Variants in GIT2 observed in about 807,000 individuals in gnomAD.
GIT2 encodes ARF GTPase-activating protein GIT2.
A neutral mutation model predicts 100.3 loss-of-function variants in GIT2; 32 were observed. The ratio of observed to expected loss-of-function variants is 0.32; its 90% CI spans 0.24 to 0.43. The LOEUF (loss-of-function observed/expected upper bound fraction) is 0.43, where lower values mean the gene tolerates loss of function less well. GIT2 is among the 20% of genes least tolerant of loss of function. The pLI, the probability that GIT2 is intolerant of heterozygous loss-of-function variation, is 1.00. For synonymous variants in GIT2, 353 were observed against 364.1 expected (o/e 0.97, Z 0.35); for missense variants, 737 against 975.1 (o/e 0.76, Z 3.25).
chr12:109,978,197 C>A (rs1425641385), intron 7 of GIT2, among the ~76,000 whole-genome samples: 1 of 151,048 alleles, frequency 6.6e-6, no homozygotes, highest in Non-Finnish European at 1.5e-5. Context: ...ATTCTTGTGC[C>A]TCAGCTACCT....
Position 109,986,382 on chromosome 12 carries a change from G to A in GIT2, c.405+2581C>T, listed in dbSNP as rs1247297361. Among the ~76,000 whole-genome samples, 5 of 152,130 alleles carry A rather than the reference G, an allele frequency of 3.3e-5. 1 individual carries two copies. In the Middle Eastern group the frequency reaches 0.014, roughly 414 times the overall value. On this transcript the variant is annotated intron_variant, in intron 4 of 19. Transcript: ENST00000355312. ...CGCAGTGGCTCAGGCCTGTAGTCCCGGCACTTTGGGAAGCTGAAACAGGCG... is the reference window on the plus strand; with the variant it reads ...CGCAGTGGCTCAGGCCTGTAGTCCCAGCACTTTGGGAAGCTGAAACAGGCG...
chr12:109,948,823 T>A lies in GIT2; in HGVS notation c.1393-1319A>T. 1 of 1,603,634 alleles carries A rather than the reference T, an allele frequency of 6.2e-7. No homozygotes were observed. Among genetic ancestry groups the A allele is most frequent in the Non-Finnish European group, 8.5e-7 (1 of 1,174,070 alleles). On this transcript the variant is annotated intron_variant, in intron 14 of 19. Transcript: ENST00000355312. This position sits in a 1 kb window ranked among gnomAD's most constrained non-coding sequence, Gnocchi z 4.3. ...CACCAATAGTAGTTGCTCCTCTTCA[T>A]TAATTAGCATCTTTTCCAAGCAACT...
At chr12:109,985,727 C>T (rs903375695) in intron 4 of GIT2, among the ~76,000 whole-genome samples, 1 of 152,030 alleles carries the variant, frequency 6.6e-6, no homozygotes, top group African/African-American at 2.4e-5. Flanking sequence ...GTGGTGGGCA[C>T]CTGTAATCCA....
At chr12:109,997,667 G>C (rs1347142050), upstream of GIT2, 1 of 152,222 alleles carries the variant, frequency 6.6e-6, no homozygotes, top group Non-Finnish European at 1.5e-5. Flanking sequence ...GCTAAGGACA[G>C]ATGGAATAAA....
intron 13 of GIT2, chr12:109,952,798 C>T: frequency 2.1e-6 from 1 of 484,398 alleles, no homozygotes; most frequent in South Asian, 2.0e-5. Flanking sequence ...ATGAGAGCCT[C>T]ACAGGAAAGG....
chr12:109,945,444 C>T (rs543014842), intron 15 of GIT2, 95 bp from the exon 16 acceptor site: 4 of 712,706 alleles, frequency 5.6e-6, no homozygotes, highest in Middle Eastern at 2.3e-4. Flanking sequence ...TGGAACACCA[C>T]ACATTATGTG....
At chr12:109,958,194 T>C (rs546058655) in intron 12 of GIT2, among the ~76,000 whole-genome samples, 21 of 152,130 alleles carry the variant, frequency 1.4e-4, no homozygotes, top group African/African-American at 5.1e-4. Context: ...TCTGCCCACC[T>C]CAGCCTCCCA....
Position 109,945,308 on chromosome 12 carries a change from A to G in GIT2, c.1683T>C (p.Pro561=), listed in dbSNP as rs760421040. 6.3e-7 allele frequency: 1 copy of G among 1,588,920 alleles called. No homozygotes were observed. The highest frequency in any genetic ancestry group is 8.6e-7 in the Non-Finnish European group (1 of 1,157,248). The part of the protein sequence containing the change: ...SALVTSSSSL[P]SFPSTLSWSR... ...ACCAGGAAAGTGTGGAGGGGAAGGA[A>G]GGCAGAGATGAAGAGGAGGTCACAA... Residue 561 remains proline, a synonymous_variant, in exon 16 of 20, where the codon CCT becomes CCC. Transcript: ENST00000355312.
chr12:109,965,639 G>A lies in GIT2; in HGVS notation c.765-62C>T. The A allele has an allele frequency of 7.9e-6, 8 of 1,018,826 alleles. 1 individual carries two copies. The South Asian group carries it at 1.1e-4, about 13-fold the overall frequency. 63.1% of individuals were successfully genotyped at this position (1,018,826 alleles called of 1,614,324 possible). A position where few individuals can be genotyped will look rare whatever the true frequency, so the allele number is the denominator to read the frequency against. On this transcript the variant is annotated intron_variant, in intron 8 of 19. Coordinates refer to ENST00000355312, the MANE Select transcript of GIT2 (RefSeq NM_057169.5). ...AAGCCAGACTTGTGAACTCTGTAAA[G>A]TTTAAGACACCCAAGAGATAAAAAT...
chr12:109,977,257 A>G (rs1565998119), intron 7 of GIT2, among the ~76,000 whole-genome samples: 1 of 152,200 alleles, frequency 6.6e-6, no homozygotes, highest in Non-Finnish European at 1.5e-5. Flanking sequence ...GCAGTGGCTC[A>G]TGCCTGTAAT....
At chr12:109,945,729 A>G (rs1401428020) in intron 15 of GIT2, among the ~76,000 whole-genome samples, 1 of 152,256 alleles carries the variant, frequency 6.6e-6, no homozygotes, top group Non-Finnish European at 1.5e-5. Context: ...GTACAATTAC[A>G]GTGCCTTCCT....
At chr12:109,945,979 A>G (rs1029590220) in intron 15 of GIT2, among the ~76,000 whole-genome samples, 3 of 152,048 alleles carry the variant, frequency 2.0e-5, no homozygotes, top group Non-Finnish European at 2.9e-5. Context: ...TACTAAAACA[A>G]AAAAATTAGC....
intron 2 of GIT2, among the ~76,000 whole-genome samples, chr12:109,990,147 C>T (rs973507387): frequency 6.6e-6 from 1 of 152,182 alleles, no homozygotes; most frequent in Non-Finnish European, 1.5e-5. Context: ...ATATTATTCA[C>T]TTAATATTTG....
chr12:109,939,123 C>T (rs1418687345), intron 17 of GIT2, 42 bp downstream of exon 17: 19 of 1,241,154 alleles, frequency 1.5e-5, no homozygotes, highest in Non-Finnish European at 2.1e-5. Flanking sequence ...GTCTCTGGCC[C>T]TGGGGAGCCC....
At chr12:109,939,314 G>T in intron 16 of GIT2, 67 bp from the exon 17 acceptor site, 2 of 908,390 alleles carry the variant, frequency 2.2e-6, no homozygotes, top group South Asian at 2.6e-5. Flanking sequence ...TCTTCCCCAG[G>T]AATTGTTACC....
chr12:109,974,812 C>T (rs903935599), intron 7 of GIT2, among the ~76,000 whole-genome samples: 1 of 152,030 alleles, frequency 6.6e-6, no homozygotes, highest in Non-Finnish European at 1.5e-5. Context: ...GTTCTATATC[C>T]TTACTGATTT....
intron 16 of GIT2, among the ~76,000 whole-genome samples, chr12:109,944,343 C>T (rs1286118685): frequency 6.6e-6 from 1 of 152,204 alleles, no homozygotes; most frequent in Admixed American, 6.5e-5. Flanking sequence ...TTACCCACAG[C>T]CACCTTCCTC....
intron 7 of GIT2, among the ~76,000 whole-genome samples, chr12:109,971,479 C>T (rs1883857986): frequency 6.6e-6 from 1 of 151,768 alleles, no homozygotes; most frequent in Non-Finnish European, 1.5e-5. Flanking sequence ...GCGCCCACCA[C>T]CATGCCCAGC....
At chr12:109,943,663 CTT>C (rs773314431) in intron 16 of GIT2, among the ~76,000 whole-genome samples, 31 of 125,506 alleles carry the variant, frequency 2.5e-4, no homozygotes, top group Admixed American at 5.5e-4. Flanking sequence ...ATCAAGAATT[CTT>C]TTTTTTTTTT....
Sources: allele counts gnomAD v4.1 joint callset (sites outside exome capture counted in the v4.1 genomes callset), GRCh38; gene constraint gnomAD v4.1.1; non-coding constraint Gnocchi (gnomAD v3.1); transcripts MANE v1.5; gene names NCBI Gene and HGNC (gene_info 2026-07-23, HGNC 2026-07-21).